KLF12: variants seen among roughly 807,000 people sequenced by gnomAD.
The protein encoded by KLF12 is Krueppel-like factor 12.
Under a neutral mutation model 37.8 loss-of-function variants are expected in KLF12, and 9 were observed. The ratio of observed to expected loss-of-function variants is 0.24; its 90% CI spans 0.14 to 0.42. The LOEUF (loss-of-function observed/expected upper bound fraction) is 0.42, where lower values mean the gene tolerates loss of function less well. Among genes scored for constraint, KLF12 ranks in the 10% least tolerant of loss-of-function variants. The probability of loss-of-function intolerance (pLI) is 1.00; values close to 1 mark genes in which losing one functional copy is unlikely to be tolerated. For synonymous variants in KLF12, 208 were observed against 202.1 expected (o/e 1.03, Z -0.25); for missense variants, 411 against 516.0 (o/e 0.80, Z 1.97).
At chr13:73,987,111 A>C (rs1199663910) in intron 2 of KLF12, among the ~76,000 whole-genome samples, 1 of 152,218 alleles carries the variant, frequency 6.6e-6, no homozygotes, top group African/African-American at 2.4e-5. Flanking sequence ...CTTAAATTGG[A>C]ATTTTGAGAA....
At chr13:73,863,513 C>G (rs1294840601) in intron 3 of KLF12, among the ~76,000 whole-genome samples, 2 of 152,094 alleles carry the variant, frequency 1.3e-5, no homozygotes, top group African/African-American at 4.8e-5. Context: ...CTGCTTGACA[C>G]AAAATAGTTA....
intron 1 of KLF12, among the ~76,000 whole-genome samples, chr13:74,038,509 T>C (rs945490243): frequency 6.6e-6 from 1 of 152,188 alleles, no homozygotes; most frequent in East Asian, 1.9e-4. Flanking sequence ...GTACTCGACA[T>C]GGAGAACAGA....
intron 1 of KLF12, among the ~76,000 whole-genome samples, chr13:74,034,568 A>G (rs1437616415): frequency 2.6e-5 from 4 of 152,258 alleles, no homozygotes. Context: ...TGAAGTAGTC[A>G]AATTCCAACT....
rs375685945 is a variant in KLF12, at chr13:73,901,201, A to G, written c.123+42780T>C. Reference sequence around the variant, plus strand: ...TACGACTTCACCTACAGAGACAAGTAGCACAATGTCAGGTTCCTAATATTC... The same window carrying G: ...TACGACTTCACCTACAGAGACAAGTGGCACAATGTCAGGTTCCTAATATTC... On this transcript the variant is annotated intron_variant, in intron 3 of 7. Transcript: ENST00000377669. Among the ~76,000 whole-genome samples the G allele has an allele frequency of 5.3e-5, 8 of 152,362 alleles. No individual in the cohort carries two copies. The East Asian group carries it at 1.5e-3, about 29-fold the overall frequency.
chr13:73,751,134 A>G (rs11618324), intron 6 of KLF12, among the ~76,000 whole-genome samples: 57,608 of 152,050 alleles, frequency 0.38, 12,740 homozygotes, highest in African/African-American at 0.61. Flanking sequence ...TCTTTATCCA[A>G]TCATCCGCTG....
chr13:74,211,836 A>G, the KLF12 span, among the ~76,000 whole-genome samples: 5 of 152,196 alleles, frequency 3.3e-5, no homozygotes, highest in African/African-American at 9.7e-5. Context: ...CCCAATTATA[A>G]AATTTGGTTA....
chr13:74,288,090 T>G, the KLF12 span, among the ~76,000 whole-genome samples: 2 of 146,116 alleles, frequency 1.4e-5, no homozygotes, highest in East Asian at 2.0e-4. Context: ...AAAAAAAAAC[T>G]GGGGAGAACT....
chr13:73,716,873 A>T (rs1398360083), intron 6 of KLF12, among the ~76,000 whole-genome samples: 1 of 152,150 alleles, frequency 6.6e-6, no homozygotes, highest in Non-Finnish European at 1.5e-5. Context: ...AAATATTTTA[A>T]CCATCTCCAA....
rs1046801124 is a variant in KLF12, at chr13:73,693,073, G to T, written c.*2417C>A. ...TCAAGACATCTTTCAGCAGAGAAAA[G>T]AACTGGCTCTTTTTATGAGAGCAAG... On this transcript the variant is annotated 3_prime_UTR_variant, in exon 8 of 8. Transcript: ENST00000377669. 7.2e-5 allele frequency: 11 copies of T among 152,158 alleles called. No individual in the cohort carries two copies. Among genetic ancestry groups the T allele is most frequent in the African/African-American group, 2.2e-4 (9 of 41,434 alleles). 9.4% of individuals were successfully genotyped at this position (152,158 alleles called of 1,614,324 possible). A position where few individuals can be genotyped will look rare whatever the true frequency, so the allele number is the denominator to read the frequency against.
chr13:73,967,221 C>T (rs1324544074), intron 2 of KLF12, among the ~76,000 whole-genome samples: 3 of 152,034 alleles, frequency 2.0e-5, no homozygotes, highest in Admixed American at 2.0e-4. Flanking sequence ...AGGGGTTTAA[C>T]CAAGAATGAT....
At chr13:73,701,974 A>T (rs1874591643) in intron 7 of KLF12, among the ~76,000 whole-genome samples, 1 of 152,220 alleles carries the variant, frequency 6.6e-6, no homozygotes, top group South Asian at 2.1e-4. Flanking sequence ...TCTGTTTTTT[A>T]AAGTGAAATA....
intron 2 of KLF12, among the ~76,000 whole-genome samples, chr13:73,964,970 A>G (rs1891134242): frequency 6.6e-6 from 1 of 152,148 alleles, no homozygotes; most frequent in Admixed American, 6.5e-5. Flanking sequence ...TTATTTTCAC[A>G]CTATGGAACA....
chr13:74,072,868 G>A (rs570353198), intron 1 of KLF12, among the ~76,000 whole-genome samples: 1 of 152,272 alleles, frequency 6.6e-6, no homozygotes, highest in South Asian at 2.1e-4. Context: ...TAGCTAATAT[G>A]ACCATTGATA....
At chr13:73,880,033 C>G (rs1187801651) in intron 3 of KLF12, among the ~76,000 whole-genome samples, 1 of 152,168 alleles carries the variant, frequency 6.6e-6, no homozygotes, top group Non-Finnish European at 1.5e-5. Flanking sequence ...GCCGTTCTGC[C>G]TGGAGCATGG....
chr13:74,195,922 A>G, the KLF12 span, among the ~76,000 whole-genome samples: 1 of 152,160 alleles, frequency 6.6e-6, no homozygotes, highest in Admixed American at 6.5e-5. Flanking sequence ...CACACGTGAC[A>G]TTCATTACAA....
chr13:74,296,048 A>C, the KLF12 span, among the ~76,000 whole-genome samples: 1 of 151,434 alleles, frequency 6.6e-6, no homozygotes, highest in Admixed American at 6.6e-5. Context: ...GGAACTCCTG[A>C]GCTCGGGTGA....
At chr13:74,220,020 A>C in the KLF12 span, among the ~76,000 whole-genome samples, 1 of 152,180 alleles carries the variant, frequency 6.6e-6, no homozygotes, top group Admixed American at 6.5e-5. Flanking sequence ...ATCTCTTAAA[A>C]TATTGCATCT....
intron 5 of KLF12, among the ~76,000 whole-genome samples, chr13:73,776,851 T>C (rs1240924803): frequency 1.3e-5 from 2 of 152,030 alleles, no homozygotes; most frequent in Non-Finnish European, 2.9e-5. Context: ...TTTAAAAAAA[T>C]ACATGAACAG....
the KLF12 span, among the ~76,000 whole-genome samples, chr13:74,219,869 T>C: frequency 6.6e-6 from 1 of 152,228 alleles, no homozygotes; most frequent in Non-Finnish European, 1.5e-5. Context: ...CCTTTGGTTT[T>C]CTGCAGTTGT....
Sources: gnomAD v4.1 joint callset for allele counts (sites outside exome capture counted in the v4.1 genomes callset) on GRCh38, gnomAD v4.1.1 for gene constraint, MANE v1.5 for transcripts, NCBI Gene and HGNC (gene_info 2026-07-23, HGNC 2026-07-21) for gene names.